Variants in MITF observed in about 807,000 individuals in gnomAD.
MITF encodes microphthalmia-associated transcription factor.
Under a neutral mutation model 60.5 loss-of-function variants are expected in MITF, and 17 were observed. That is an observed-to-expected ratio of 0.28 (90% CI 0.19 to 0.42). MITF has a LOEUF of 0.42. Ranked by LOEUF, MITF falls within the 10% of genes least tolerant of loss-of-function variation. The probability of loss-of-function intolerance (pLI) is 1.00; values close to 1 mark genes in which losing one functional copy is unlikely to be tolerated. For missense variants in MITF, 622 were observed against 683.5 expected (o/e 0.91, Z 1.00); for synonymous variants, 260 against 248.5 (o/e 1.05, Z -0.43).
chr3:69,919,292 A>G lies in MITF; in HGVS notation c.355-18530A>G, dbSNP rs186051629. On this transcript the variant is annotated intron_variant, in intron 2 of 9. Transcript: ENST00000352241. ...TCATTTGGGTCTGCACTTATTTGTC[A>G]TGGGTATCATTTGAGACAAGAACTT... Among the ~76,000 whole-genome samples the G allele has an allele frequency of 3.3e-5, 5 of 152,322 alleles. No individual in the cohort carries two copies. The East Asian group carries it at 9.7e-4, about 29-fold the overall frequency.
At position 69,936,523 on chromosome 3, in the gene MITF, CG is replaced by C. The variant is rs1559731462; in HGVS notation, c.355-1298del. On this transcript the variant is annotated intron_variant, in intron 2 of 9. Coordinates refer to ENST00000352241, the MANE Select transcript of MITF (RefSeq NM_001354604.2). Reference sequence around the variant, plus strand: ...TCCAAAAAAAAGGCCCTTATGTGAACGTTTTTTTTTACATGCATAACTAATT... The same window carrying C: ...TCCAAAAAAAAGGCCCTTATGTGAACTTTTTTTTTACATGCATAACTAATT... 32 of 1,273,220 alleles carry C rather than the reference CG, an allele frequency of 2.5e-5. No individual in the cohort carries two copies. In the South Asian group the frequency reaches 6.3e-4, roughly 25 times the overall value. 78.9% of individuals were successfully genotyped at this position (1,273,220 alleles called of 1,614,324 possible).
At chr3:69,864,799 A>C (rs1331287389) in intron 1 of MITF, among the ~76,000 whole-genome samples, 1 of 151,944 alleles carries the variant, frequency 6.6e-6, no homozygotes, top group African/African-American at 2.4e-5. Context: ...TCTGCCTGCC[A>C]ACTTCCCACC....
At chr3:69,923,056 C>T (rs544284452) in intron 2 of MITF, among the ~76,000 whole-genome samples, 1 of 152,092 alleles carries the variant, frequency 6.6e-6, no homozygotes, top group Non-Finnish European at 1.5e-5. Context: ...TCAGGAGAAG[C>T]CTTATTTATA....
At chr3:69,751,388 A>G in intron 1 of MITF, among the ~76,000 whole-genome samples, 1 of 152,046 alleles carries the variant, frequency 6.6e-6, no homozygotes. Flanking sequence ...CTTGTTCTGA[A>G]TCTCACCAAG....
At position 69,838,791 on chromosome 3, in the gene MITF, T is replaced by C. The variant is rs2063579392; in HGVS notation, c.105-40343T>C. On this transcript the variant is annotated intron_variant, in intron 1 of 9. Coordinates refer to ENST00000352241, the MANE Select transcript of MITF (RefSeq NM_001354604.2). ...CAGCATATTCTAGTGTTCCTGCTGC[T>C]CATTTTTGTAGCTTTGCCTTACCTC... 2.0e-5 allele frequency among the ~76,000 whole-genome samples: 3 copies of C among 152,244 alleles called. No homozygotes were observed. The South Asian group carries it at 6.2e-4, about 31-fold the overall frequency.
At chr3:69,821,848 T>C (rs1000393749) in intron 1 of MITF, among the ~76,000 whole-genome samples, 2 of 152,032 alleles carry the variant, frequency 1.3e-5, no homozygotes, top group Non-Finnish European at 2.9e-5. Context: ...GTCTCAGGGG[T>C]TCTTGTGCCT....
chr3:69,898,699 A>C (rs905608204), intron 2 of MITF, among the ~76,000 whole-genome samples: 1 of 152,166 alleles, frequency 6.6e-6, no homozygotes, highest in South Asian at 2.1e-4. Context: ...TTGAAATGGA[A>C]GGTTATGGCA....
At chr3:69,865,466 G>T (rs1575840740) in intron 1 of MITF, among the ~76,000 whole-genome samples, 1 of 152,148 alleles carries the variant, frequency 6.6e-6, no homozygotes, top group East Asian at 1.9e-4. Flanking sequence ...TATTGATGTT[G>T]TCATGTCTGC....
At chr3:69,797,602 A>C (rs965113927) in intron 1 of MITF, among the ~76,000 whole-genome samples, 1 of 152,168 alleles carries the variant, frequency 6.6e-6, no homozygotes, top group Non-Finnish European at 1.5e-5. Flanking sequence ...TTGAATTCTC[A>C]TAGTTTAATA....
Position 69,967,999 on chromosome 3 carries a change from G to C in MITF, c.*2751G>C. ...TACATAGGATGACAAAATTCTTTCTGGTTGTTTTTAAACAATAAAGCAATA... is the reference window on the plus strand; with the variant it reads ...TACATAGGATGACAAAATTCTTTCTCGTTGTTTTTAAACAATAAAGCAATA... On this transcript the variant is annotated 3_prime_UTR_variant, in exon 10 of 10. Transcript: ENST00000352241. 4.3e-6 allele frequency: 1 copy of C among 233,440 alleles called. No individual in the cohort carries two copies. The highest frequency in any genetic ancestry group is 8.5e-6 in the Non-Finnish European group (1 of 117,922). 14.5% of individuals were successfully genotyped at this position (233,440 alleles called of 1,614,324 possible).
intron 2 of MITF, among the ~76,000 whole-genome samples, chr3:69,915,761 G>A (rs2065320621): frequency 6.6e-6 from 1 of 152,160 alleles, no homozygotes; most frequent in Non-Finnish European, 1.5e-5. Context: ...GGAGAGCAAT[G>A]GAAGCCTGCT....
chr3:69,757,927 C>G (rs778457117), intron 1 of MITF, among the ~76,000 whole-genome samples: 1 of 150,788 alleles, frequency 6.6e-6, no homozygotes, highest in Non-Finnish European at 1.5e-5. Context: ...GTGTGGATCC[C>G]AGATCAGACC....
At chr3:69,938,760 T>G in intron 3 of MITF, 1 of 1,320,430 alleles carries the variant, frequency 7.6e-7, no homozygotes, top group Non-Finnish European at 9.7e-7. Context: ...GATGATGAGC[T>G]TCATCTCAAT....
At chr3:69,863,329 T>A (rs1378977662) in intron 1 of MITF, among the ~76,000 whole-genome samples, 1 of 152,184 alleles carries the variant, frequency 6.6e-6, no homozygotes, top group Non-Finnish European at 1.5e-5. Context: ...TTTGGTCCAT[T>A]TGCTAGTGGA....
chr3:69,933,454 G>A (rs1575994402), intron 2 of MITF, among the ~76,000 whole-genome samples: 1 of 152,086 alleles, frequency 6.6e-6, no homozygotes, highest in East Asian at 1.9e-4. Context: ...CCAGGAAGTG[G>A]TAAAGCTGAA....
intron 1 of MITF, among the ~76,000 whole-genome samples, chr3:69,867,758 T>G (rs2064144756): frequency 6.6e-6 from 1 of 152,366 alleles, no homozygotes; most frequent in Admixed American, 6.5e-5. Context: ...CTATTCTGAT[T>G]CTACGTAAGA....
chr3:69,900,982 C>T lies in MITF; in HGVS notation c.354+21599C>T, dbSNP rs115212621. Among the ~76,000 whole-genome samples the T allele has an allele frequency of 3.8e-3, 572 of 151,856 alleles. 1 individual carries two copies. Among genetic ancestry groups the T allele is most frequent in the African/African-American group, 0.012 (492 of 41,412 alleles). On this transcript the variant is annotated intron_variant, in intron 2 of 9. Transcript: ENST00000352241. The stretch of plus-strand genomic sequence containing the variant: ...TGTCCTATGTTCATTTTCCCAGAAA[C>T]GGTGTTTTCAATTAAAAAACAAAAC...
At chr3:69,796,547 C>T (rs1268296796) in intron 1 of MITF, among the ~76,000 whole-genome samples, 15 of 129,530 alleles carry the variant, frequency 1.2e-4, no homozygotes, top group South Asian at 2.3e-4. Flanking sequence ...TCGCCCAGGC[C>T]GGACTGCGGA....
At chr3:69,852,024 A>G (rs975241795) in intron 1 of MITF, among the ~76,000 whole-genome samples, 1 of 152,126 alleles carries the variant, frequency 6.6e-6, no homozygotes, top group Non-Finnish European at 1.5e-5. Flanking sequence ...CTTTCGGCAA[A>G]CATATACAAA....
Sources: allele counts gnomAD v4.1 joint callset (sites outside exome capture counted in the v4.1 genomes callset), GRCh38; gene constraint gnomAD v4.1.1; transcripts MANE v1.5; gene names NCBI Gene and HGNC (gene_info 2026-07-23, HGNC 2026-07-21).